ASPRV1: variants seen among roughly 807,000 people sequenced by gnomAD.
ASPRV1 encodes retroviral-like aspartic protease 1.
In ASPRV1, 7 loss-of-function variants were observed where a neutral mutation model predicts 11.0. That is an observed-to-expected ratio of 0.64 (90% CI 0.36 to 1.20). The LOEUF (loss-of-function observed/expected upper bound fraction) is 1.20. Among genes scored for constraint, ASPRV1 ranks in the 50% most tolerant of loss-of-function variants. ASPRV1 has a pLI of 0.02. For synonymous variants in ASPRV1, 136 were observed against 138.4 expected (o/e 0.98, Z 0.12); for missense variants, 299 against 320.0 (o/e 0.93, Z 0.50).
chr2:70,062,287 A>G, the ASPRV1 span, among the ~76,000 whole-genome samples: 2 of 152,094 alleles, frequency 1.3e-5, no homozygotes, highest in African/African-American at 4.8e-5. Flanking sequence ...CCTGGGCAAC[A>G]AGAGCGAAAC....
chr2:70,048,559 G>C, the ASPRV1 span: 303 of 152,620 alleles, frequency 2.0e-3, 1 homozygote, highest in African/African-American at 7.0e-3. Context: ...AGCCAGCACA[G>C]TAGGGGCCTA....
the ASPRV1 span, among the ~76,000 whole-genome samples, chr2:70,020,164 C>G: frequency 6.6e-6 from 1 of 152,136 alleles, no homozygotes; most frequent in Non-Finnish European, 1.5e-5. Context: ...GGTGTAGCTG[C>G]TGGAGAAAAC....
At chr2:70,069,472 GACC>G in the ASPRV1 span, 2 of 152,182 alleles carry the variant, frequency 1.3e-5, no homozygotes, top group Non-Finnish European at 2.9e-5. Flanking sequence ...AATAGGGCAT[GACC>G]ACATTTATCC....
the ASPRV1 span, chr2:69,996,854 G>C: frequency 2.5e-6 from 1 of 397,666 alleles, no homozygotes; most frequent in Non-Finnish European, 5.0e-6. Flanking sequence ...TAAGGGTTAA[G>C]CACCTCTGTC....
At position 69,961,185 on chromosome 2, in the gene ASPRV1, G is replaced by A; in HGVS notation, c.252C>T (p.Leu84=). 1 of 1,613,798 alleles carries A rather than the reference G, an allele frequency of 6.2e-7. No individual in the cohort carries two copies. Among genetic ancestry groups the A allele is most frequent in the Non-Finnish European group, 8.5e-7 (1 of 1,179,784 alleles). Reference sequence around the variant, plus strand: ...CCCCAGGGACCCCAAAGGCCTTCAGGAGGGCCTCTTTCACAGTCCCATAGT... The same window carrying A: ...CCCCAGGGACCCCAAAGGCCTTCAGAAGGGCCTCTTTCACAGTCCCATAGT... The part of the protein sequence containing the change: ...QGDYGTVKEA[L]LKAFGVPGAA... The change falls in exon 1 of 1, where the codon CTC becomes CTT. Residue 84 remains leucine, a synonymous_variant. Transcript: ENST00000320256.
At chr2:69,974,264 G>A in the ASPRV1 span, among the ~76,000 whole-genome samples, 1 of 151,592 alleles carries the variant, frequency 6.6e-6, no homozygotes, top group Non-Finnish European at 1.5e-5. Flanking sequence ...TTGGACCTGG[G>A]AGGCGGAGGT....
chr2:69,936,966 G>T, the ASPRV1 span: 1 of 557,212 alleles, frequency 1.8e-6, no homozygotes, highest in East Asian at 4.2e-5. Flanking sequence ...CTAAAACTGA[G>T]GGCTACCAGG....
At chr2:70,005,787 T>C in the ASPRV1 span, among the ~76,000 whole-genome samples, 8 of 152,172 alleles carry the variant, frequency 5.3e-5, no homozygotes, top group Non-Finnish European at 1.2e-4. Context: ...CATTCTCCTG[T>C]TCTTTGAGAG....
upstream of ASPRV1, among the ~76,000 whole-genome samples, chr2:69,965,444 A>G (rs1678306450): frequency 6.9e-6 from 1 of 145,588 alleles, no homozygotes; most frequent in Non-Finnish European, 1.5e-5. Flanking sequence ...CTGGTGGGCT[A>G]AAAAAAAAAC....
At chr2:70,059,140 C>T in the ASPRV1 span, among the ~76,000 whole-genome samples, 1 of 151,926 alleles carries the variant, frequency 6.6e-6, no homozygotes, top group Non-Finnish European at 1.5e-5. Context: ...ATCCGCCCAC[C>T]TCAGCCTCCC....
At chr2:70,046,828 T>A in the ASPRV1 span, 1 of 152,184 alleles carries the variant, frequency 6.6e-6, no homozygotes, top group East Asian at 1.9e-4. Context: ...CAACAACAAA[T>A]ATTTTAAGTT....
the ASPRV1 span, among the ~76,000 whole-genome samples, chr2:69,948,418 G>A: frequency 2.0e-5 from 3 of 152,250 alleles, no homozygotes; most frequent in African/African-American, 7.2e-5. Context: ...TCCATTTGCA[G>A]TCGGGTATGG....
chr2:69,982,252 G>A, the ASPRV1 span, among the ~76,000 whole-genome samples: 4 of 150,978 alleles, frequency 2.6e-5, no homozygotes, highest in Admixed American at 6.6e-5. Context: ...CCAGGAGTTC[G>A]AGACCAGCCT....
chr2:70,050,634 A>G, the ASPRV1 span: 2 of 152,174 alleles, frequency 1.3e-5, no homozygotes, highest in Non-Finnish European at 2.9e-5. Flanking sequence ...AACTCTTACA[A>G]ATTAATAAAA....
At chr2:69,971,470 C>T in the ASPRV1 span, among the ~76,000 whole-genome samples, 2 of 152,186 alleles carry the variant, frequency 1.3e-5, no homozygotes, top group African/African-American at 4.8e-5. Flanking sequence ...CGTTAGGACC[C>T]TGCCTCTCAA....
At chr2:69,935,953 G>T in the ASPRV1 span, among the ~76,000 whole-genome samples, 5 of 152,014 alleles carry the variant, frequency 3.3e-5, no homozygotes, top group Non-Finnish European at 7.4e-5. Context: ...CTGTCACCTG[G>T]TCTGCCCCAG....
chr2:69,945,295 CTAAAA>C, the ASPRV1 span, among the ~76,000 whole-genome samples: 3 of 152,200 alleles, frequency 2.0e-5, no homozygotes, highest in African/African-American at 4.8e-5. Context: ...CCCCCTGAAT[CTAAAA>C]TAAAAGTTGG....
chr2:69,936,860 C>G, the ASPRV1 span, among the ~76,000 whole-genome samples: 548 of 152,298 alleles, frequency 3.6e-3, 3 homozygotes, highest in African/African-American at 0.013. Flanking sequence ...AAGCTCCCAT[C>G]AAGTGCAGTT....
the ASPRV1 span, among the ~76,000 whole-genome samples, chr2:70,081,647 G>A: frequency 2.0e-5 from 3 of 151,824 alleles, no homozygotes; most frequent in South Asian, 2.1e-4. Context: ...GCAGTGACGC[G>A]ATCATGGCTC....
Sources: gnomAD v4.1 joint callset for allele counts (sites outside exome capture counted in the v4.1 genomes callset) on GRCh38, gnomAD v4.1.1 for gene constraint, MANE v1.5 for transcripts, NCBI Gene and HGNC (gene_info 2026-07-23, HGNC 2026-07-21) for gene names.